C9: variants seen among roughly 807,000 people sequenced by gnomAD.
C9 encodes complement component C9.
In C9, 63 loss-of-function variants were observed where a neutral mutation model predicts 65.4. The observed-to-expected ratio is 0.96, with a 90% confidence interval of 0.79 to 1.19. The LOEUF (loss-of-function observed/expected upper bound fraction) is 1.19, where lower values mean the gene tolerates loss of function less well. Ranked by LOEUF, C9 falls within the 50% of genes most tolerant of loss-of-function variation. The pLI, the probability that C9 is intolerant of heterozygous loss-of-function variation, is 0.00. For missense variants in C9, 744 were observed against 670.1 expected (o/e 1.11, Z -1.22); for synonymous variants, 229 against 227.9 (o/e 1.00, Z -0.04).
intron 7 of C9, among the ~76,000 whole-genome samples, chr5:39,309,795 C>T (rs1753447241): frequency 6.6e-6 from 1 of 152,086 alleles, no homozygotes; most frequent in South Asian, 2.1e-4. Flanking sequence ...TCTATTAAGG[C>T]CAGAAGGTAA....
At chr5:39,330,132 C>T (rs1211925877) in intron 5 of C9, among the ~76,000 whole-genome samples, 1 of 152,152 alleles carries the variant, frequency 6.6e-6, no homozygotes, top group Non-Finnish European at 1.5e-5. Context: ...GTATTAATCT[C>T]ACCTGAACTA....
chr5:39,351,618 C>A (rs375576573), intron 1 of C9, among the ~76,000 whole-genome samples: 28 of 152,138 alleles, frequency 1.8e-4, no homozygotes, highest in Non-Finnish European at 4.4e-5. Flanking sequence ...TCCACAGATT[C>A]CTAGAGCATG....
chr5:39,332,021 T>C (rs1385787304), intron 4 of C9, among the ~76,000 whole-genome samples: 2 of 152,174 alleles, frequency 1.3e-5, no homozygotes, highest in Non-Finnish European at 2.9e-5. Context: ...GCTTATGAAC[T>C]CTTTTAGGCA....
chr5:39,306,619 T>G lies in C9; in HGVS notation c.1414A>C (p.Lys472Gln). ...TTGAAAATAAACACGTTTCTTACTT[T>G]TTGACTAATGAGAACAGGAGCATCA... Reference protein sequence around the residue: ...INDAPVLISQKLSPIYNLVPV... With the variant: ...INDAPVLISQQLSPIYNLVPV... Residue 472 changes from lysine to glutamine, a missense_variant and splice_region_variant, in exon 9 of 11, where the codon AAA becomes CAA. Transcript: ENST00000263408. 6.2e-7 allele frequency: 1 copy of G among 1,611,406 alleles called. No individual in the cohort carries two copies. Among genetic ancestry groups the G allele is most frequent in the Non-Finnish European group, 8.5e-7 (1 of 1,177,590 alleles).
chr5:39,353,177 C>T (rs988792704), intron 1 of C9, among the ~76,000 whole-genome samples: 11 of 152,272 alleles, frequency 7.2e-5, no homozygotes, highest in African/African-American at 2.6e-4. Flanking sequence ...CTGGGAATAG[C>T]AAGGACATGA....
intron 8 of C9, among the ~76,000 whole-genome samples, chr5:39,307,041 A>T (rs1753394479): frequency 6.6e-6 from 1 of 152,198 alleles, no homozygotes; most frequent in African/African-American, 2.4e-5. Flanking sequence ...CCCATGGTCT[A>T]GATACACTGA....
chr5:39,355,249 C>T (rs1394759649), intron 1 of C9, among the ~76,000 whole-genome samples: 1 of 152,120 alleles, frequency 6.6e-6, no homozygotes, highest in Non-Finnish European at 1.5e-5. Flanking sequence ...GCAAATACTC[C>T]AGAGTGAGTT....
intron 1 of C9, among the ~76,000 whole-genome samples, chr5:39,358,988 A>AAAATAAAT (rs1221889709): frequency 7.5e-6 from 1 of 132,916 alleles, no homozygotes; most frequent in African/African-American, 3.0e-5. Context: ...CCATCTCAAA[A>AAAATAAAT]AAATAAATAA....
chr5:39,306,519 CG>C lies in C9; in HGVS notation c.1416+97del, dbSNP rs1388887215. 19 of 965,004 alleles carry C rather than the reference CG, an allele frequency of 2.0e-5. No individual in the cohort carries two copies. The Admixed American group carries it at 3.4e-4, about 17-fold the overall frequency. 59.8% of individuals were successfully genotyped at this position (965,004 alleles called of 1,614,324 possible). On this transcript the variant is annotated intron_variant, in intron 9 of 10. Coordinates refer to ENST00000263408, the MANE Select transcript of C9 (RefSeq NM_001737.5). ...AAATGGGAGTGTATCTGAATGTTCA[CG>C]TCTCTTTCAGATGAAGCTAACAGTT...
chr5:39,303,360 G>A (rs1421513250), intron 9 of C9, among the ~76,000 whole-genome samples: 2 of 152,040 alleles, frequency 1.3e-5, no homozygotes, highest in African/African-American at 2.4e-5. Context: ...TTTTTGGGCT[G>A]GGCCAAGACA....
chr5:39,341,062 T>C (rs1450219533), intron 4 of C9, 84 bp downstream of exon 4: 2 of 1,462,074 alleles, frequency 1.4e-6, no homozygotes, highest in African/African-American at 1.4e-5. Context: ...CTCGCACAAA[T>C]GCTTCTACCA....
At position 39,319,519 on chromosome 5, in the gene C9, C is replaced by T. The variant is rs192947986; in HGVS notation, c.616-3490G>A. On this transcript the variant is annotated intron_variant, in intron 5 of 10. Coordinates refer to ENST00000263408, the MANE Select transcript of C9 (RefSeq NM_001737.5). ...CTCCAGCTATAACCCAATGCCAGGT[C>T]AGCACCCGTACACCTCAGCTTCAGG... is the stretch of plus-strand genomic sequence containing the variant. Among the ~76,000 whole-genome samples, 357 of 152,270 alleles carry T rather than the reference C, an allele frequency of 2.3e-3. 2 individuals carry two copies. The highest frequency in any genetic ancestry group is 8.2e-3 in the African/African-American group (342 of 41,558).
rs700180 is a variant in C9 at position 39,288,709 on chromosome 5, T to C, written c.1645+14A>G. The C allele has an allele frequency of 3.4e-3, 5,054 of 1,477,496 alleles. 155 individuals are homozygous for C. The African/African-American group carries it at 0.063, about 19-fold the overall frequency. The allele number at this position is 1,477,496 out of a possible 1,614,324, so 91.5% of individuals were successfully genotyped here. A position where few individuals can be genotyped will look rare whatever the true frequency, so the allele number is the denominator to read the frequency against. On this transcript the variant is annotated intron_variant, in intron 10 of 10. Coordinates refer to ENST00000263408, the MANE Select transcript of C9 (RefSeq NM_001737.5). ...TATTTTTGTCTTTAATCACATCAAA[T>C]AAATTGTCCTCACCTTCAGAAATTT...
intron 8 of C9, among the ~76,000 whole-genome samples, chr5:39,307,082 T>C (rs1169436172): frequency 6.6e-6 from 1 of 152,192 alleles, no homozygotes; most frequent in Non-Finnish European, 1.5e-5. Context: ...TACAAACATG[T>C]ACTCACGGGA....
intron 9 of C9, among the ~76,000 whole-genome samples, chr5:39,295,157 TG>T (rs1408600787): frequency 6.6e-6 from 1 of 151,548 alleles, no homozygotes; most frequent in Non-Finnish European, 1.5e-5. Flanking sequence ...GAAACAAAGA[TG>T]CCCACTCTCA....
At chr5:39,322,874 A>G (rs901850567) in intron 5 of C9, among the ~76,000 whole-genome samples, 1 of 152,136 alleles carries the variant, frequency 6.6e-6, no homozygotes, top group Non-Finnish European at 1.5e-5. Flanking sequence ...ATTATACTGG[A>G]GGCTGAGCAT....
rs565001975 is a variant in C9 at position 39,356,506 on chromosome 5, C to G, written c.77+7882G>C. 4.6e-5 allele frequency among the ~76,000 whole-genome samples: 7 copies of G among 152,346 alleles called. No homozygotes were observed. In the South Asian group the frequency reaches 8.3e-4, roughly 18 times the overall value. Reference sequence around the variant, plus strand: ...CAGGCAAAGCACGTCAGTGGGACAGCCTGACGCTTGCCTGGACCTACTTTA... The same window carrying G: ...CAGGCAAAGCACGTCAGTGGGACAGGCTGACGCTTGCCTGGACCTACTTTA... On this transcript the variant is annotated intron_variant, in intron 1 of 10. Coordinates refer to ENST00000263408, the MANE Select transcript of C9 (RefSeq NM_001737.5).
intron 5 of C9, among the ~76,000 whole-genome samples, chr5:39,318,460 C>A (rs1172316510): frequency 1.3e-5 from 2 of 152,100 alleles, no homozygotes; most frequent in African/African-American, 4.8e-5. Flanking sequence ...ATGCTTCCAA[C>A]TTTTGCCCAT....
chr5:39,291,008 C>T (rs563505136), intron 9 of C9, among the ~76,000 whole-genome samples: 193 of 151,930 alleles, frequency 1.3e-3, no homozygotes, highest in Middle Eastern at 6.8e-3. Flanking sequence ...AGGCATCAGG[C>T]TACTCCTATA....
Sources: gnomAD v4.1 joint callset for allele counts (sites outside exome capture counted in the v4.1 genomes callset) on GRCh38, gnomAD v4.1.1 for gene constraint, MANE v1.5 for transcripts, NCBI Gene and HGNC (gene_info 2026-07-23, HGNC 2026-07-21) for gene names.